SCN8A: variants seen among roughly 807,000 people sequenced by gnomAD.
SCN8A encodes sodium voltage-gated channel alpha subunit 8.
A neutral mutation model predicts 184.1 loss-of-function variants in SCN8A; 30 were observed. The observed-to-expected ratio is 0.16, with a 90% CI of 0.12 to 0.22. SCN8A has a LOEUF of 0.22. SCN8A is among the 10% of genes least tolerant of loss of function. The probability of loss-of-function intolerance (pLI) is 1.00; values close to 1 mark genes in which losing one functional copy is unlikely to be tolerated. For missense variants in SCN8A, 1,057 were observed against 2,498.9 expected (o/e 0.42, Z 12.30); for synonymous variants, 852 against 907.0 (o/e 0.94, Z 1.09).
chr12:51,729,125 A>T (rs1942201479), intron 12 of SCN8A, among the ~76,000 whole-genome samples: 1 of 152,186 alleles, frequency 6.6e-6, no homozygotes, highest in South Asian at 2.1e-4. Flanking sequence ...TACATATTTT[A>T]TACTCCATAT....
Position 51,662,958 on chromosome 12 carries a change from C to T in SCN8A, c.141C>T (p.Asp47=), listed in dbSNP as rs149013279. ...PPKADGSHRE[D]DEDSKPKPNS... ...AGGCCGATGGCAGTCATCGGGAGGA[C>T]GATGAGGACAGCAAGCCCAAGCCAA... The change falls in exon 2 of 27, where the codon GAC becomes GAT. Residue 47 remains aspartate, a synonymous_variant. Transcript: ENST00000627620. 543 of 1,614,024 alleles carry T rather than the reference C, an allele frequency of 3.4e-4. 3 individuals carry two copies. In the African/African-American group the frequency reaches 6.1e-3, roughly 18 times the overall value.
chr12:51,806,153 A>T lies in SCN8A; in HGVS notation c.4796-129A>T, dbSNP rs139005661. On this transcript the variant is annotated intron_variant, in intron 26 of 26. Transcript: ENST00000627620. This position sits in a 1 kb window ranked among gnomAD's most constrained non-coding sequence, Gnocchi z 8.7. ...AAAATGTCACTTTTTGAGAGTTCAG[A>T]CTGAATAGTAAGGCACTTATTCTGC... 3.0e-3 allele frequency: 2,546 copies of T among 857,136 alleles called. 28 individuals carry two copies. In the African/African-American group the frequency reaches 0.031, roughly 10 times the overall value. The allele number at this position is 857,136 out of a possible 1,614,324, so 53.1% of individuals were successfully genotyped here. A position where few individuals can be genotyped will look rare whatever the true frequency, so the allele number is the denominator to read the frequency against.
At chr12:51,667,305 G>GT (rs1026795292) in intron 2 of SCN8A, among the ~76,000 whole-genome samples, 4 of 151,596 alleles carry the variant, frequency 2.6e-5, no homozygotes, top group Non-Finnish European at 5.9e-5. Flanking sequence ...CTTTGTTCTT[G>GT]TTTTTTTCCT....
intron 14 of SCN8A, among the ~76,000 whole-genome samples, chr12:51,757,090 C>T (rs1333206193): frequency 1.3e-5 from 2 of 152,122 alleles, no homozygotes; most frequent in Non-Finnish European, 2.9e-5. Flanking sequence ...AGTTATTGTT[C>T]TGTCCCCTCC....
At chr12:51,722,180 C>A (rs772641477) in intron 12 of SCN8A, 7 of 562,876 alleles carry the variant, frequency 1.2e-5, no homozygotes, top group African/African-American at 1.9e-5. Flanking sequence ...ATCTTCCCTC[C>A]TTGTTTCTGA....
intron 12 of SCN8A, among the ~76,000 whole-genome samples, chr12:51,730,065 T>C (rs1387003710): frequency 6.6e-6 from 1 of 152,150 alleles, no homozygotes; most frequent in African/African-American, 2.4e-5. Context: ...GTTAATGAAG[T>C]TCAGTATATC....
At chr12:51,789,961 T>C (rs1336387923) in intron 24 of SCN8A, among the ~76,000 whole-genome samples, 3 of 152,252 alleles carry the variant, frequency 2.0e-5, no homozygotes, top group Non-Finnish European at 4.4e-5. Context: ...AATTGCTTTC[T>C]TGCACCAGAA....
chr12:51,610,768 T>C (rs145301195), intron 1 of SCN8A, among the ~76,000 whole-genome samples: 246 of 152,348 alleles, frequency 1.6e-3, no homozygotes, highest in African/African-American at 5.8e-3. Context: ...AATCTGCTGT[T>C]AATCTGATAG....
chr12:51,752,166 T>C (rs1463340772), intron 14 of SCN8A, among the ~76,000 whole-genome samples: 1 of 152,196 alleles, frequency 6.6e-6, no homozygotes, highest in African/African-American at 2.4e-5. Flanking sequence ...ACAAAGTGTG[T>C]ATTCTGAAAT....
At chr12:51,654,458 A>G (rs1940781330) in intron 1 of SCN8A, among the ~76,000 whole-genome samples, 1 of 152,150 alleles carries the variant, frequency 6.6e-6, no homozygotes, top group Admixed American at 6.5e-5. Flanking sequence ...TGTTTTCCCC[A>G]TTGAATGGTC....
rs528514747 is a variant in SCN8A, at chr12:51,780,565, C to CTTTTTTTTTTTTTTTTTT, written c.3820-62_3820-45dup. ...ACACTCTGGAACCTCTGTTTTCTTT[C>CTTTTTTTTTTTTTTTTTT]TTTTTTTTTTTTTTTTTTTTTTTTT... On this transcript the variant is annotated intron_variant, in intron 20 of 26. Coordinates refer to ENST00000627620, the MANE Select transcript of SCN8A (RefSeq NM_001330260.2). The CTTTTTTTTTTTTTTTTTT allele has an allele frequency of 7.4e-5, 22 of 297,770 alleles. 6 individuals are homozygous for CTTTTTTTTTTTTTTTTTT. Among genetic ancestry groups the CTTTTTTTTTTTTTTTTTT allele is most frequent in the African/African-American group, 6.6e-4 (5 of 7,566 alleles). The allele number at this position is 297,770 out of a possible 1,614,324, so 18.4% of individuals were successfully genotyped here.
At chr12:51,781,383 A>G (rs1937916306) in intron 21 of SCN8A, among the ~76,000 whole-genome samples, 1 of 152,116 alleles carries the variant, frequency 6.6e-6, no homozygotes, top group Admixed American at 6.5e-5. Flanking sequence ...GTCTGATAGC[A>G]AAGCTTTTTT....
chr12:51,786,523 A>AC lies in SCN8A; in HGVS notation c.3943-17dup, dbSNP rs1165875758. 2 of 1,612,864 alleles carry AC rather than the reference A, an allele frequency of 1.2e-6. No homozygotes were observed. Among genetic ancestry groups the AC allele is most frequent in the Admixed American group, 3.3e-5 (2 of 59,846 alleles). On this transcript the variant is annotated intron_variant, in intron 21 of 26. Coordinates refer to ENST00000627620, the MANE Select transcript of SCN8A (RefSeq NM_001330260.2). ...TCTCATTTCCACCCAACACTGAGCA[A>AC]CCTCCCCTTCCAATGCAGGTGGTGG...
At chr12:51,606,221 G>A (rs951234634) in intron 1 of SCN8A, among the ~76,000 whole-genome samples, 2 of 152,126 alleles carry the variant, frequency 1.3e-5, no homozygotes, top group African/African-American at 4.8e-5. Context: ...TATAGTTTCA[G>A]GTTTTAGATT....
At chr12:51,752,073 G>C (rs1942604130) in intron 14 of SCN8A, among the ~76,000 whole-genome samples, 1 of 151,970 alleles carries the variant, frequency 6.6e-6, no homozygotes, top group Admixed American at 6.6e-5. Flanking sequence ...ACTATTTATG[G>C]GAAAGTTTTC....
intron 1 of SCN8A, among the ~76,000 whole-genome samples, chr12:51,605,854 A>C (rs1006857443): frequency 6.6e-6 from 1 of 151,136 alleles, no homozygotes; most frequent in African/African-American, 2.5e-5. Flanking sequence ...AGTGATGTTG[A>C]GCATTTTTTC....
chr12:51,744,964 C>G (rs1190173924), intron 12 of SCN8A, among the ~76,000 whole-genome samples: 1 of 152,126 alleles, frequency 6.6e-6, no homozygotes, highest in Non-Finnish European at 1.5e-5. Flanking sequence ...CTTACCTTCA[C>G]CATCTTAGAA....
intron 14 of SCN8A, among the ~76,000 whole-genome samples, chr12:51,752,044 C>T (rs1451215158): frequency 6.6e-6 from 1 of 152,088 alleles, no homozygotes; most frequent in Non-Finnish European, 1.5e-5. Context: ...TCTGTCAGGC[C>T]TTAATTACCT....
chr12:51,791,349 G>A (rs559284526), intron 25 of SCN8A, among the ~76,000 whole-genome samples: 30 of 152,218 alleles, frequency 2.0e-4, no homozygotes, highest in Non-Finnish European at 3.8e-4. Context: ...CCCACACGCC[G>A]CACGTGGTAC....
Sources: allele counts gnomAD v4.1 joint callset (sites outside exome capture counted in the v4.1 genomes callset), GRCh38; gene constraint gnomAD v4.1.1; non-coding constraint Gnocchi (gnomAD v3.1); transcripts MANE v1.5; gene names NCBI Gene and HGNC (gene_info 2026-07-23, HGNC 2026-07-21).